The following GRIK2 variants were observed in gnomAD, a reference collection of about 807,000 sequenced individuals.
The protein encoded by GRIK2 is glutamate receptor ionotropic, kainate 2.
GRIK2 carries 32 observed loss-of-function variants against 100.3 expected under a neutral mutation model. That is an observed-to-expected ratio of 0.32 (90% CI 0.24 to 0.43). GRIK2 has a LOEUF of 0.43. GRIK2 is among the 20% of genes least tolerant of loss of function. GRIK2 has a pLI of 1.00. For missense variants in GRIK2, 843 were observed against 1,114.9 expected (o/e 0.76, Z 3.47); for synonymous variants, 417 against 389.4 (o/e 1.07, Z -0.83).
chr6:101,460,337 A>C (rs533352197), intron 2 of GRIK2, among the ~76,000 whole-genome samples: 50 of 152,336 alleles, frequency 3.3e-4, no homozygotes, highest in African/African-American at 1.2e-3. Context: ...AACTTTTATA[A>C]ATCTAAGAGT....
intron 2 of GRIK2, among the ~76,000 whole-genome samples, chr6:101,592,365 G>A (rs2128307034): frequency 6.6e-6 from 1 of 151,710 alleles, no homozygotes. Flanking sequence ...CTTCACAGTT[G>A]TCACAAGTAG....
At chr6:101,595,907 C>G (rs1778905958) in intron 2 of GRIK2, among the ~76,000 whole-genome samples, 1 of 150,328 alleles carries the variant, frequency 6.7e-6, no homozygotes, top group East Asian at 2.0e-4. Context: ...GTTTTATACC[C>G]TTTTATTTAC....
chr6:101,508,608 A>C (rs1436804067), intron 2 of GRIK2, among the ~76,000 whole-genome samples: 1 of 152,196 alleles, frequency 6.6e-6, no homozygotes, highest in Non-Finnish European at 1.5e-5. Context: ...AGGCAAATGC[A>C]TCAATTCCAT....
At chr6:101,472,858 T>C (rs184517142) in intron 2 of GRIK2, among the ~76,000 whole-genome samples, 1 of 151,684 alleles carries the variant, frequency 6.6e-6, no homozygotes, top group East Asian at 1.9e-4. Context: ...AAGCAACAAA[T>C]TGTATTTATT....
intron 14 of GRIK2, among the ~76,000 whole-genome samples, chr6:102,019,928 T>C (rs1243355426): frequency 1.3e-5 from 2 of 152,004 alleles, no homozygotes; most frequent in African/African-American, 4.8e-5. Context: ...AATTGAAATG[T>C]CAAATTTATC....
intron 7 of GRIK2, among the ~76,000 whole-genome samples, chr6:101,702,270 C>T (rs933840367): frequency 3.3e-5 from 5 of 151,866 alleles, no homozygotes; most frequent in Non-Finnish European, 7.4e-5. Flanking sequence ...CATGGATAAT[C>T]CATTATGTTT....
chr6:102,002,420 A>G (rs897938236), intron 14 of GRIK2, among the ~76,000 whole-genome samples: 1 of 129,944 alleles, frequency 7.7e-6, no homozygotes, highest in Non-Finnish European at 1.8e-5. Flanking sequence ...ATTAGCATAT[A>G]CATACACAGT....
intron 16 of GRIK2, among the ~76,000 whole-genome samples, chr6:102,058,448 A>C (rs571817583): frequency 1.5e-5 from 2 of 136,442 alleles, no homozygotes; most frequent in South Asian, 4.5e-4. Flanking sequence ...TAAAGAAACA[A>C]ATTATTTTTC....
At chr6:101,744,558 A>ATATATATATAATC (rs751011648) in intron 7 of GRIK2, 8 of 115,046 alleles carry the variant, frequency 7.0e-5, no homozygotes, top group African/African-American at 3.0e-4. Context: ...ATATATATAT[A>ATATATATATAATC]TCACAATTTC....
chr6:102,006,184 G>C (rs887419711), intron 14 of GRIK2, among the ~76,000 whole-genome samples: 5 of 145,386 alleles, frequency 3.4e-5, no homozygotes, highest in African/African-American at 1.1e-4. Flanking sequence ...CATAACATTA[G>C]TGCAGAAAAA....
chr6:101,821,413 G>T (rs112616779), intron 10 of GRIK2, among the ~76,000 whole-genome samples: 3,898 of 151,938 alleles, frequency 0.026, 178 homozygotes, highest in African/African-American at 0.089. Flanking sequence ...TTTGAATCTT[G>T]GACACTTTGA....
At chr6:101,544,927 C>T (rs1015951264) in intron 2 of GRIK2, among the ~76,000 whole-genome samples, 1 of 152,176 alleles carries the variant, frequency 6.6e-6, no homozygotes. Flanking sequence ...TACAGTAGTG[C>T]TTTTAAATAT....
intron 4 of GRIK2, among the ~76,000 whole-genome samples, chr6:101,643,362 A>G (rs2128325306): frequency 6.6e-6 from 1 of 151,534 alleles, no homozygotes; most frequent in Admixed American, 6.6e-5. Flanking sequence ...TCTTACATTT[A>G]GGTTTTTTAT....
intron 14 of GRIK2, among the ~76,000 whole-genome samples, chr6:102,032,219 C>T (rs761110632): frequency 4.0e-5 from 6 of 151,188 alleles, no homozygotes; most frequent in Non-Finnish European, 8.9e-5. Context: ...ATGCCTCCTT[C>T]CTTGATGATT....
intron 4 of GRIK2, among the ~76,000 whole-genome samples, chr6:101,666,734 A>T (rs1770060902): frequency 6.6e-6 from 1 of 152,248 alleles, no homozygotes; most frequent in Non-Finnish European, 1.5e-5. Context: ...GCGTACAGAC[A>T]GTGTATTAGA....
In GRIK2 at chr6:101,749,803, CT is replaced by C. The variant is rs989554915; in HGVS notation, c.952-49822del. On this transcript the variant is annotated intron_variant, in intron 7 of 16. Coordinates refer to ENST00000369134, the MANE Select transcript of GRIK2 (RefSeq NM_021956.5). ...ACTGAAAACTTGTGTGTGCCAGTTT[CT>C]TTTTTTTTTTTTTTTTTTTTTTGTG... Among the ~76,000 whole-genome samples, 437 of 92,538 alleles carry C rather than the reference CT, an allele frequency of 4.7e-3. 1 individual carries two copies. The highest frequency in any genetic ancestry group is 0.013 in the African/African-American group (281 of 22,458). 60.7% of individuals were successfully genotyped at this position (92,538 alleles called of 152,430 possible).
At position 102,069,489 on chromosome 6, in the gene GRIK2, A is replaced by G. The variant is rs1307342055; in HGVS notation, c.*978A>G. 2.0e-5 allele frequency: 3 copies of G among 151,772 alleles called. No homozygotes were observed. Among genetic ancestry groups the G allele is most frequent in the Non-Finnish European group, 4.4e-5 (3 of 67,896 alleles). The allele number at this position is 151,772 out of a possible 1,614,324, so 9.4% of individuals were successfully genotyped here. A position where few individuals can be genotyped will look rare whatever the true frequency, so the allele number is the denominator to read the frequency against. ...ATCCAAACCCTTGTTCCTGCTGTAA[A>G]TGAACTTGATGGAGCATGGGCAGAT... On this transcript the variant is annotated 3_prime_UTR_variant, in exon 17 of 17. Coordinates refer to ENST00000369134, the MANE Select transcript of GRIK2 (RefSeq NM_021956.5).
At chr6:101,739,632 A>G (rs1775897021) in intron 7 of GRIK2, among the ~76,000 whole-genome samples, 1 of 152,322 alleles carries the variant, frequency 6.6e-6, no homozygotes, top group East Asian at 1.9e-4. Flanking sequence ...TTAAAATGTT[A>G]TATTTTTTCT....
chr6:102,056,857 T>C (rs958329843), intron 16 of GRIK2, among the ~76,000 whole-genome samples: 2 of 152,004 alleles, frequency 1.3e-5, no homozygotes, highest in African/African-American at 4.8e-5. Context: ...TGTATATTTT[T>C]ATAACCCCAT....
Sources: allele counts gnomAD v4.1 joint callset (sites outside exome capture counted in the v4.1 genomes callset), GRCh38; gene constraint gnomAD v4.1.1; transcripts MANE v1.5; gene names NCBI Gene and HGNC (gene_info 2026-07-23, HGNC 2026-07-21).